NRCAM: variants seen among roughly 807,000 people sequenced by gnomAD.
NRCAM encodes neuronal cell adhesion molecule.
In NRCAM, 83 loss-of-function variants were observed where a neutral mutation model predicts 156.5. The observed-to-expected ratio is 0.53, with a 90% CI of 0.44 to 0.64. The LOEUF is 0.64. NRCAM is among the 30% of genes least tolerant of loss of function. NRCAM has a pLI of 0.00. For synonymous variants in NRCAM, 538 were observed against 563.9 expected (o/e 0.95, Z 0.65); for missense variants, 1,417 against 1,597.3 (o/e 0.89, Z 1.92).
chr7:108,332,804 G>A (rs997730839), intron 2 of NRCAM, among the ~76,000 whole-genome samples: 3 of 152,090 alleles, frequency 2.0e-5, no homozygotes, highest in Non-Finnish European at 4.4e-5. Flanking sequence ...TAACTGCATC[G>A]CTTTTAAAGT....
Position 108,189,734 on chromosome 7 carries a change from G to A in NRCAM, c.1946C>T (p.Pro649Leu). 1 of 1,462,858 alleles carries A rather than the reference G, an allele frequency of 6.8e-7. No individual in the cohort carries two copies. The highest frequency in any genetic ancestry group is 9.6e-7 in the Non-Finnish European group (1 of 1,045,558). 90.6% of individuals were successfully genotyped at this position (1,462,858 alleles called of 1,614,324 possible). A position where few individuals can be genotyped will look rare whatever the true frequency, so the allele number is the denominator to read the frequency against. ...TPAPVYDVPN[P>L]PFDLELTDQL... ...ATCTGTCAGTTCTAAGTCAAAGGGA[G>A]GATTTGGGACATCTGTAGACCAAAC... is the stretch of plus-strand genomic sequence containing the variant. The change falls in exon 20 of 33, where the codon CCT becomes CTT. Residue 649 changes from proline (P) to leucine (L), a missense_variant. Physicochemically the swap from Pro to Leu is moderately conservative, Grantham distance 98 (BLOSUM62 -3). Transcript: ENST00000379028.
chr7:108,277,809 G>A (rs559538084), intron 3 of NRCAM, among the ~76,000 whole-genome samples: 4 of 152,282 alleles, frequency 2.6e-5, no homozygotes, highest in South Asian at 2.1e-4. Flanking sequence ...CTTTGGAGGA[G>A]AAGAGGCCTT....
At position 108,365,910 on chromosome 7, in the gene NRCAM, A is replaced by G. The variant is rs760882470; in HGVS notation, c.-174+33526T>C. 6.8e-4 allele frequency among the ~76,000 whole-genome samples: 104 copies of G among 152,222 alleles called. 1 individual carries two copies. Among genetic ancestry groups the G allele is most frequent in the Admixed American group, 1.8e-3 (27 of 15,280 alleles). Reference sequence around the variant, plus strand: ...TTAGGTATTGCTGTGGTCTGAATGCATCTCTCAAAATTCATATGTTAAAAC... The same window carrying G: ...TTAGGTATTGCTGTGGTCTGAATGCGTCTCTCAAAATTCATATGTTAAAAC... On this transcript the variant is annotated intron_variant, in intron 2 of 32. Transcript: ENST00000379028.
At chr7:108,219,769 C>T (rs1003728177) in intron 11 of NRCAM, among the ~76,000 whole-genome samples, 3 of 152,108 alleles carry the variant, frequency 2.0e-5, no homozygotes, top group Non-Finnish European at 4.4e-5. Flanking sequence ...AAGTTGAAAG[C>T]ATTCCCTCTG....
chr7:108,315,333 TGGAGAAAAAA>T (rs2098896048), intron 2 of NRCAM, among the ~76,000 whole-genome samples: 1 of 152,098 alleles, frequency 6.6e-6, no homozygotes, highest in Non-Finnish European at 1.5e-5. Flanking sequence ...CATACTTAAC[TGGAGAAAAAA>T]GGATAAAAAA....
intron 2 of NRCAM, among the ~76,000 whole-genome samples, chr7:108,362,363 A>G (rs968889186): frequency 1.3e-5 from 2 of 152,212 alleles, no homozygotes; most frequent in Admixed American, 6.5e-5. Flanking sequence ...CTGAGGGTTC[A>G]GATTTCAACA....
chr7:108,314,060 G>A (rs1000631279), intron 2 of NRCAM, among the ~76,000 whole-genome samples: 1 of 152,126 alleles, frequency 6.6e-6, no homozygotes, highest in African/African-American at 2.4e-5. Flanking sequence ...GCTCTAAAAA[G>A]CACAGATATG....
chr7:108,191,009 G>A (rs536377367), intron 19 of NRCAM, among the ~76,000 whole-genome samples: 12 of 152,300 alleles, frequency 7.9e-5, no homozygotes, highest in Non-Finnish European at 1.0e-4. Flanking sequence ...TTTATCAAAC[G>A]AAGTGATTTT....
At chr7:108,385,235 T>C (rs1471089309) in intron 2 of NRCAM, among the ~76,000 whole-genome samples, 1 of 152,226 alleles carries the variant, frequency 6.6e-6, no homozygotes, top group African/African-American at 2.4e-5. Context: ...TTGTATTTCC[T>C]TAGAGGGGTA....
chr7:108,170,896 C>T (rs1439312353), intron 28 of NRCAM, among the ~76,000 whole-genome samples: 1 of 152,044 alleles, frequency 6.6e-6, no homozygotes, highest in Non-Finnish European at 1.5e-5. Flanking sequence ...AGGGTACAAA[C>T]TTTCAGTTAT....
chr7:108,294,627 G>A (rs1009431001), intron 3 of NRCAM, among the ~76,000 whole-genome samples: 1 of 152,184 alleles, frequency 6.6e-6, no homozygotes, highest in Non-Finnish European at 1.5e-5. Context: ...TAGGTAAATT[G>A]TACACAGACT....
chr7:108,175,327 C>T lies in NRCAM; in HGVS notation c.3182G>A (p.Gly1061Asp). ...AGILPPDVGA[G>D]KVQAVNPRIS... ...ATGCAGATGAATTATTTTACCTTTG[C>T]CTGCACCTACATCAGGTGGAAGAAT... Residue 1061 changes from glycine (G) to aspartate (D), a missense_variant, in exon 28 of 33, where the codon GGC (glycine) becomes GAC (aspartate). Around this residue, in one of 2 missense-constraint regions of NRCAM, gnomAD observed 1,238 missense variants for 1,336.4 expected, o/e 0.93. Transcript: ENST00000379028. 6.4e-7 allele frequency: 1 copy of T among 1,559,070 alleles called. No individual in the cohort carries two copies. The highest frequency in any genetic ancestry group is 8.7e-7 in the Non-Finnish European group (1 of 1,150,682).
intron 32 of NRCAM, among the ~76,000 whole-genome samples, chr7:108,152,152 G>A (rs1307885981): frequency 6.6e-6 from 1 of 152,064 alleles, no homozygotes; most frequent in Non-Finnish European, 1.5e-5. Context: ...TGTCAGAAGA[G>A]GATTAGCACT....
chr7:108,347,037 T>G (rs999724806), intron 2 of NRCAM, among the ~76,000 whole-genome samples: 4 of 134,560 alleles, frequency 3.0e-5, no homozygotes, highest in African/African-American at 1.1e-4. Context: ...TTTCTGTTTT[T>G]TTTTTTTTTT....
chr7:108,444,559 CTG>C (rs1563839012), intron 1 of NRCAM, among the ~76,000 whole-genome samples: 1 of 152,150 alleles, frequency 6.6e-6, no homozygotes, highest in Non-Finnish European at 1.5e-5. Context: ...CTTCCAAGGG[CTG>C]TGAGAGAGAA....
chr7:108,361,870 G>A (rs1256263731), intron 2 of NRCAM, among the ~76,000 whole-genome samples: 2 of 146,116 alleles, frequency 1.4e-5, no homozygotes, highest in Non-Finnish European at 1.5e-5. Flanking sequence ...TATTATATAC[G>A]TATATATTTA....
rs190921640 is a variant in NRCAM at position 108,339,855 on chromosome 7, A to G, written c.-173-27124T>C. Among the ~76,000 whole-genome samples, 71 of 152,066 alleles carry G rather than the reference A, an allele frequency of 4.7e-4. 1 individual carries two copies. In the East Asian group the frequency reaches 5.8e-3, roughly 12 times the overall value. On this transcript the variant is annotated intron_variant, in intron 2 of 32. Transcript: ENST00000379028. ...ACACCCCTAAGATGTATTCTGGACAATTGGGACCAATTTGACCCTCAGACT... is the reference window on the plus strand; with the variant it reads ...ACACCCCTAAGATGTATTCTGGACAGTTGGGACCAATTTGACCCTCAGACT...
Position 108,452,917 on chromosome 7 carries a change from C to T in NRCAM, c.-332+3326G>A, listed in dbSNP as rs1160766792. Reference sequence around the variant, plus strand: ...GGGGTGAGTAATGACTGGAAGGGACCACAAGAGGGCTTTCTCAGATGTGCA... The same window carrying T: ...GGGGTGAGTAATGACTGGAAGGGACTACAAGAGGGCTTTCTCAGATGTGCA... On this transcript the variant is annotated intron_variant, in intron 1 of 32. Transcript: ENST00000379028. Among the ~76,000 whole-genome samples the T allele has an allele frequency of 2.6e-5, 4 of 152,238 alleles. No homozygotes were observed. In the East Asian group the frequency reaches 7.7e-4, roughly 29 times the overall value.
At chr7:108,299,967 C>T (rs1242184247) in intron 3 of NRCAM, among the ~76,000 whole-genome samples, 2 of 152,118 alleles carry the variant, frequency 1.3e-5, no homozygotes, top group East Asian at 3.8e-4. Context: ...TAACAAGTTA[C>T]TGTGAGGATG....
Sources: gnomAD v4.1 joint callset for allele counts (sites outside exome capture counted in the v4.1 genomes callset) on GRCh38, gnomAD v4.1.1 for gene constraint, gnomAD v4.1.1 regional missense constraint, MANE v1.5 for transcripts, NCBI Gene and HGNC (gene_info 2026-07-23, HGNC 2026-07-21) for gene names.